Variants in CFAP92 observed in about 807,000 individuals in gnomAD.
The protein encoded by CFAP92 is cilia and flagella associated protein 92 (putative), also known as uncharacterized protein CFAP92.
A neutral mutation model predicts 106.3 loss-of-function variants in CFAP92; 86 were observed. The ratio of observed to expected loss-of-function variants is 0.81; its 90% confidence interval spans 0.68 to 0.97. The LOEUF (loss-of-function observed/expected upper bound fraction) is 0.97. Ranked by LOEUF, CFAP92 falls within the 50% of genes least tolerant of loss-of-function variation. The pLI is 0.00. For synonymous variants in CFAP92, 477 were observed against 506.4 expected, an observed-to-expected ratio of 0.94 and a Z score of 0.78; for missense variants, 1,204 against 1,283.8, an observed-to-expected ratio of 0.94 and a Z score of 0.95.
In CFAP92 at chr3:128,915,255, C is replaced by A; in HGVS notation, c.3144G>T (p.Leu1048=). The change falls in exon 15 of 16, where the codon CTG becomes CTT. Residue 1048 remains leucine (L), a synonymous_variant. Coordinates refer to ENST00000645291, the MANE Select transcript of CFAP92 (RefSeq NM_001394090.1). ...ACACAGGCTCCAGTACATTAGCAAA[C>A]AGGGAGTTTTCCTTCCACTCCTAAA... ...ELNEEWKENS[L]FANVLEPVLD... 6.5e-7 allele frequency: 1 copy of A among 1,536,196 alleles called. No homozygotes were observed. Among genetic ancestry groups the A allele is most frequent in the Non-Finnish European group, 8.7e-7 (1 of 1,146,926 alleles).
At chr3:129,000,574 T>C (rs923670907) in intron 1 of CFAP92, among the ~76,000 whole-genome samples, 1 of 152,058 alleles carries the variant, frequency 6.6e-6, no homozygotes, top group South Asian at 2.1e-4. Flanking sequence ...GTGGACAATA[T>C]CACAATATCA....
At chr3:129,011,482 T>G in the CFAP92 span, among the ~76,000 whole-genome samples, 1 of 147,644 alleles carries the variant, frequency 6.8e-6, no homozygotes, top group Non-Finnish European at 1.5e-5. Flanking sequence ...ACCCAGAAGG[T>G]GGAGGTTGTA....
chr3:128,926,485 G>A (rs1937659830), intron 12 of CFAP92, among the ~76,000 whole-genome samples: 1 of 152,146 alleles, frequency 6.6e-6, no homozygotes, highest in Non-Finnish European at 1.5e-5. Flanking sequence ...ACTGCATTCA[G>A]GCTTGGGGAG....
chr3:129,025,977 C>T, the CFAP92 span, among the ~76,000 whole-genome samples: 2 of 152,238 alleles, frequency 1.3e-5, no homozygotes, highest in Non-Finnish European at 1.5e-5. Flanking sequence ...GGCCTGGAGC[C>T]TCCCGCCTGA....
chr3:128,965,811 C>A, intron 8 of CFAP92, 116 bp from the exon 9 acceptor site: 2 of 389,108 alleles, frequency 5.1e-6, no homozygotes, highest in Admixed American at 4.5e-5. Context: ...AAAGTGAAAA[C>A]TTTAATTAAA....
intron 9 of CFAP92, among the ~76,000 whole-genome samples, chr3:128,950,704 C>T (rs1006372358): frequency 2.6e-5 from 4 of 152,184 alleles, no homozygotes; most frequent in African/African-American, 9.7e-5. Flanking sequence ...TCAACTCCTC[C>T]CTGATGCAGT....
the CFAP92 span, among the ~76,000 whole-genome samples, chr3:129,022,139 G>A: frequency 6.6e-6 from 1 of 152,266 alleles, no homozygotes; most frequent in African/African-American, 2.4e-5. Flanking sequence ...TATCTATATA[G>A]AACCTGTATT....
At chr3:128,974,411 G>T (rs1559918212) in intron 7 of CFAP92, among the ~76,000 whole-genome samples, 1 of 152,206 alleles carries the variant, frequency 6.6e-6, no homozygotes, top group Non-Finnish European at 1.5e-5. Context: ...GAATGAGGAA[G>T]TTGATTTAGT....
intron 9 of CFAP92, among the ~76,000 whole-genome samples, chr3:128,957,674 A>G (rs374883253): frequency 6.6e-6 from 1 of 152,248 alleles, no homozygotes; most frequent in Admixed American, 6.5e-5. Context: ...ATAATGGTCT[A>G]AATACGTCAA....
chr3:129,002,154 C>G lies in CFAP92; in HGVS notation n.117+420G>C, dbSNP rs760546571. The stretch of plus-strand genomic sequence containing the variant: ...CGAGCACATCGAGACGCAGATCCGC[C>G]TGCGCCGTCCGCGCCGCCGCCGCCG... On this transcript the variant is annotated intron_variant and non_coding_transcript_variant, in intron 1 of 4. Coordinates refer to the CFAP92 transcript ENST00000510149. 40 of 1,471,142 alleles carry G rather than the reference C, an allele frequency of 2.7e-5. No individual in the cohort carries two copies. The South Asian group carries it at 5.4e-4, about 20-fold the overall frequency. The allele number at this position is 1,471,142 out of a possible 1,614,324, so 91.1% of individuals were successfully genotyped here. A position where few individuals can be genotyped will look rare whatever the true frequency, so the allele number is the denominator to read the frequency against.
intron 15 of CFAP92, among the ~76,000 whole-genome samples, chr3:128,910,555 T>G (rs1936170726): frequency 6.6e-6 from 1 of 152,116 alleles, no homozygotes. Context: ...AGATGTTGAG[T>G]CACTTGCTGT....
At chr3:129,022,072 G>C in the CFAP92 span, among the ~76,000 whole-genome samples, 2 of 152,204 alleles carry the variant, frequency 1.3e-5, no homozygotes, top group Non-Finnish European at 2.9e-5. Context: ...CCGTGTGCTG[G>C]TGTCTAAGCA....
intron 8 of CFAP92, chr3:128,970,980 T>A (rs1480577429): frequency 2.3e-6 from 1 of 441,438 alleles, no homozygotes; most frequent in African/African-American, 2.0e-5. Flanking sequence ...AAGCAGCATC[T>A]TCTTAACAAA....
chr3:128,987,542 G>A (rs1441281742), intron 4 of CFAP92, 74 bp downstream of exon 4: 2 of 1,306,922 alleles, frequency 1.5e-6, no homozygotes, highest in Non-Finnish European at 2.2e-6. Context: ...GAAACCAGGA[G>A]ACACTGGCTT....
intron 9 of CFAP92, among the ~76,000 whole-genome samples, chr3:128,949,185 T>G (rs1275736908): frequency 6.6e-6 from 1 of 152,188 alleles, no homozygotes; most frequent in Admixed American, 6.5e-5. Flanking sequence ...ACTTAACATA[T>G]AGCCTAGCAA....
chr3:128,956,211 A>T (rs1222691581), intron 9 of CFAP92, among the ~76,000 whole-genome samples: 36 of 101,126 alleles, frequency 3.6e-4, no homozygotes, highest in African/African-American at 2.1e-3. Context: ...AAAAAATAAA[A>T]AAATAAAAAA....
chr3:128,963,477 C>T (rs903110990), intron 9 of CFAP92, among the ~76,000 whole-genome samples: 25 of 152,214 alleles, frequency 1.6e-4, no homozygotes, highest in Non-Finnish European at 4.4e-5. Context: ...CTCCCCGGCT[C>T]CTTCAGCTGT....
At chr3:128,951,748 A>T (rs1266406201) in intron 9 of CFAP92, among the ~76,000 whole-genome samples, 1 of 152,162 alleles carries the variant, frequency 6.6e-6, no homozygotes, top group Non-Finnish European at 1.5e-5. Flanking sequence ...TCCCTACCCC[A>T]GACACACACC....
At chr3:129,019,047 G>C in the CFAP92 span, among the ~76,000 whole-genome samples, 1 of 152,228 alleles carries the variant, frequency 6.6e-6, no homozygotes, top group African/African-American at 2.4e-5. Context: ...GCAGCCTGCT[G>C]TGAGAACTGT....
Sources: allele counts gnomAD v4.1 joint callset (sites outside exome capture counted in the v4.1 genomes callset), GRCh38; gene constraint gnomAD v4.1.1; transcripts MANE v1.5; gene names NCBI Gene and HGNC (gene_info 2026-07-23, HGNC 2026-07-21).